The following MICAL3 variants were observed in gnomAD, a reference collection of about 807,000 sequenced individuals.
MICAL3 encodes the protein microtubule associated monooxygenase, calponin and LIM domain containing 3, also known as [F-actin]-monooxygenase MICAL3.
In MICAL3, 62 loss-of-function variants were observed where a neutral mutation model predicts 207.4. That is an observed-to-expected ratio of 0.30 (90% CI 0.24 to 0.37). The LOEUF (loss-of-function observed/expected upper bound fraction) is 0.37. Ranked by LOEUF, MICAL3 falls within the 10% of genes least tolerant of loss-of-function variation. The pLI, the probability that MICAL3 is intolerant of heterozygous loss-of-function variation, is 1.00. For missense variants in MICAL3, 2,368 were observed against 2,635.6 expected, an observed-to-expected ratio of 0.90 and a Z score of 2.22; for synonymous variants, 1,077 against 1,069.3, an observed-to-expected ratio of 1.01 and a Z score of -0.14.
At chr22:17,880,208 G>A (rs935963870) in intron 16 of MICAL3, among the ~76,000 whole-genome samples, 1 of 152,170 alleles carries the variant, frequency 6.6e-6, no homozygotes, top group Non-Finnish European at 1.5e-5. Flanking sequence ...TTCGAGTCTG[G>A]CTGCATTGCT....
intron 1 of MICAL3, among the ~76,000 whole-genome samples, chr22:17,950,616 C>T (rs573573239): frequency 6.6e-6 from 1 of 152,172 alleles, no homozygotes; most frequent in Non-Finnish European, 1.5e-5. Flanking sequence ...GGATTACAGG[C>T]GTGAGCCACT....
rs1295927879 is a variant in MICAL3, at chr22:17,986,235, A to G, written c.-75+38046T>C. On this transcript the variant is annotated intron_variant, in intron 1 of 31. Coordinates refer to ENST00000441493, the MANE Select transcript of MICAL3 (RefSeq NM_015241.3). ...AATGACTCTTAAGAGGTCCGTAATG[A>G]CTGGTCCGGGCACAGTGGCTTATGC... Among the ~76,000 whole-genome samples the G allele has an allele frequency of 2.0e-5, 3 of 152,142 alleles. No homozygotes were observed. In the East Asian group the frequency reaches 5.8e-4, roughly 29 times the overall value.
rs1569085195 is a variant in MICAL3, at chr22:17,831,876, C to G, written c.3033G>C (p.Glu1011Asp). Residue 1011 changes from glutamate (E) to aspartate (D), a missense_variant, in exon 21 of 32, where the codon GAG becomes GAC. Transcript: ENST00000441493. ...GACCTTCACTGGACTCTTCCTCCTC[C>G]TCGTCATAGTCCTCCTCCTCCTCCT... ...YEEEEEEDYDEEEEESSEAGN... is the reference protein window; with the variant it reads ...YEEEEEEDYDDEEEESSEAGN... 3 of 1,553,186 alleles carry G rather than the reference C, an allele frequency of 1.9e-6. No homozygotes were observed. The highest frequency in any genetic ancestry group is 2.6e-6 in the Non-Finnish European group (3 of 1,147,998).
chr22:17,791,094 A>C (rs1569064668), intron 30 of MICAL3, 23 bp from the exon 31 acceptor site: 1 of 1,609,124 alleles, frequency 6.2e-7, no homozygotes, highest in East Asian at 2.2e-5. Context: ...GGCAGGAGGG[A>C]GACAAGCCAC....
chr22:17,794,776 C>G (rs371943735), intron 29 of MICAL3, among the ~76,000 whole-genome samples: 1 of 152,262 alleles, frequency 6.6e-6, no homozygotes, highest in East Asian at 1.9e-4. Context: ...CATCGAGAGA[C>G]AGTGTGCAGA....
chr22:17,791,475 G>A lies in MICAL3; in HGVS notation c.5651-174C>T, dbSNP rs1601905794. On this transcript the variant is annotated intron_variant, in intron 29 of 31. Coordinates refer to ENST00000441493, the MANE Select transcript of MICAL3 (RefSeq NM_015241.3). Reference sequence around the variant, plus strand: ...ATGGGGCCCTGGCGTCCCCCTTCCTGGGGCCTGCGCTTTCCCGTGTCCTGC... The same window carrying A: ...ATGGGGCCCTGGCGTCCCCCTTCCTAGGGCCTGCGCTTTCCCGTGTCCTGC... 2.5e-5 allele frequency: 16 copies of A among 630,480 alleles called. No homozygotes were observed. The East Asian group carries it at 4.4e-4, about 18-fold the overall frequency. The allele number at this position is 630,480 out of a possible 1,614,324, so 39.1% of individuals were successfully genotyped here.
chr22:17,841,734 T>C lies in MICAL3; in HGVS notation c.2801+88A>G, dbSNP rs758600101. ...CAGCAGGAAAGACAGGAGGCCTCCC[T>C]TCACTGAGAAGAAACCGAGACACAC... On this transcript the variant is annotated intron_variant, in intron 20 of 31. Coordinates refer to ENST00000441493, the MANE Select transcript of MICAL3 (RefSeq NM_015241.3). This position sits in a 1 kb window ranked among gnomAD's most constrained non-coding sequence, Gnocchi z 4.2. 2.9e-4 allele frequency: 396 copies of C among 1,387,290 alleles called. No individual in the cohort carries two copies. The highest frequency in any genetic ancestry group is 3.7e-4 in the Non-Finnish European group (377 of 1,012,830). The allele number at this position is 1,387,290 out of a possible 1,614,324, so 85.9% of individuals were successfully genotyped here.
At chr22:17,936,122 C>T (rs1270120371) in intron 1 of MICAL3, among the ~76,000 whole-genome samples, 5 of 152,178 alleles carry the variant, frequency 3.3e-5, no homozygotes, top group Non-Finnish European at 7.3e-5. Context: ...AAGACACATG[C>T]ACACGCATGT....
At chr22:18,017,867 C>T (rs1477414754) in intron 1 of MICAL3, among the ~76,000 whole-genome samples, 3 of 152,028 alleles carry the variant, frequency 2.0e-5, no homozygotes, top group African/African-American at 4.8e-5. Flanking sequence ...TCTCCTGCCT[C>T]GGCCTCCCGA....
intron 1 of MICAL3, among the ~76,000 whole-genome samples, chr22:17,920,993 G>A (rs559144464): frequency 2.0e-5 from 3 of 152,154 alleles, no homozygotes; most frequent in Non-Finnish European, 4.4e-5. Flanking sequence ...TCCTAAATAA[G>A]ATGACTACAA....
intron 17 of MICAL3, among the ~76,000 whole-genome samples, chr22:17,866,288 T>C (rs1927102159): frequency 1.3e-5 from 2 of 152,332 alleles, no homozygotes; most frequent in Admixed American, 1.3e-4. Flanking sequence ...AGAGCAAAGA[T>C]GTGAGGCCTG....
intron 1 of MICAL3, among the ~76,000 whole-genome samples, chr22:17,942,114 T>C (rs911914370): frequency 7.2e-5 from 11 of 152,070 alleles, no homozygotes; most frequent in Admixed American, 5.9e-4. Context: ...TTCAGGAAAA[T>C]GTGAACCAGC....
chr22:17,991,433 G>A (rs747777972), intron 1 of MICAL3, among the ~76,000 whole-genome samples: 12 of 152,210 alleles, frequency 7.9e-5, no homozygotes, highest in Non-Finnish European at 1.5e-4. Flanking sequence ...AAGTCAAGAC[G>A]TACAGATACA....
chr22:17,951,712 TTTGA>T, intron 1 of MICAL3, among the ~76,000 whole-genome samples: 1 of 151,246 alleles, frequency 6.6e-6, no homozygotes, highest in Admixed American at 6.6e-5. Flanking sequence ...TTTTTTTTTT[TTTGA>T]GACAGGGTCT....
rs2061812331 is a variant in MICAL3, at chr22:17,790,038, T to C, written c.*694A>G. 1 of 152,100 alleles carries C rather than the reference T, an allele frequency of 6.6e-6. No individual in the cohort carries two copies. The highest frequency in any genetic ancestry group is 2.4e-5 in the African/African-American group (1 of 41,408). The allele number at this position is 152,100 out of a possible 1,614,324, so 9.4% of individuals were successfully genotyped here. A position where few individuals can be genotyped will look rare whatever the true frequency, so the allele number is the denominator to read the frequency against. On this transcript the variant is annotated 3_prime_UTR_variant, in exon 32 of 32. Transcript: ENST00000441493. Reference sequence around the variant, plus strand: ...TCAGCATTTTCCAGTGTCAAAATGGTTGTGAACTACAAGCAAAATGCAGCA... The same window carrying C: ...TCAGCATTTTCCAGTGTCAAAATGGCTGTGAACTACAAGCAAAATGCAGCA...
intron 1 of MICAL3, among the ~76,000 whole-genome samples, chr22:17,959,699 G>T (rs1438222333): frequency 6.6e-6 from 1 of 152,178 alleles, no homozygotes; most frequent in Non-Finnish European, 1.5e-5. Flanking sequence ...GGAAAATGGT[G>T]GGGTTGAGTG....
In MICAL3 at chr22:17,887,519, G is replaced by A. The variant is rs539761725; in HGVS notation, c.1892-84C>T. ...ACCAAAACTACTCTCCCTCGTGGAT[G>A]GTTCGCAGAGCCTCAGAAGGCTCTA... On this transcript the variant is annotated intron_variant, in intron 13 of 31. Transcript: ENST00000441493. The A allele has an allele frequency of 1.6e-4, 133 of 824,996 alleles. No individual in the cohort carries two copies. The East Asian group carries it at 2.5e-3, about 15-fold the overall frequency. 51.1% of individuals were successfully genotyped at this position (824,996 alleles called of 1,614,324 possible). A position where few individuals can be genotyped will look rare whatever the true frequency, so the allele number is the denominator to read the frequency against.
Position 17,976,589 on chromosome 22 carries a change from A to AT in MICAL3, c.-75+47691dup, listed in dbSNP as rs1195101695. 9.0e-3 allele frequency among the ~76,000 whole-genome samples: 602 copies of AT among 67,084 alleles called. 19 individuals are homozygous for AT. Among genetic ancestry groups the AT allele is most frequent in the African/African-American group, 0.019 (296 of 15,430 alleles). The allele number at this position is 67,084 out of a possible 152,430, so 44.0% of individuals were successfully genotyped here. ...TATATATATATATATATATATATAT[A>AT]TTTTTTTTTTTTTTTTTTGAGACAG... On this transcript the variant is annotated intron_variant, in intron 1 of 31. Coordinates refer to ENST00000441493, the MANE Select transcript of MICAL3 (RefSeq NM_015241.3).
chr22:17,941,484 C>T (rs1030758158), intron 1 of MICAL3, among the ~76,000 whole-genome samples: 2 of 152,128 alleles, frequency 1.3e-5, no homozygotes, highest in Non-Finnish European at 2.9e-5. Flanking sequence ...GGGTTCTTCC[C>T]AGGAGACAAG....
Sources: gnomAD v4.1 joint callset for allele counts (sites outside exome capture counted in the v4.1 genomes callset) on GRCh38, gnomAD v4.1.1 for gene constraint, Gnocchi (gnomAD v3.1) non-coding constraint, MANE v1.5 for transcripts, NCBI Gene and HGNC (gene_info 2026-07-23, HGNC 2026-07-21) for gene names.